Variants in TCERG1L observed in about 807,000 individuals in gnomAD.
TCERG1L encodes the protein transcription elongation regulator 1 like.
TCERG1L carries 37 observed loss-of-function variants against 56.3 expected under a neutral mutation model. The observed-to-expected ratio is 0.66, with a 90% CI of 0.51 to 0.87. The LOEUF (loss-of-function observed/expected upper bound fraction) is 0.87, where lower values mean the gene tolerates loss of function less well. TCERG1L is among the 40% of genes least tolerant of loss of function. TCERG1L has a pLI of 0.00. For missense variants in TCERG1L, 799 were observed against 774.2 expected (o/e 1.03, Z -0.38); for synonymous variants, 324 against 326.3 (o/e 0.99, Z 0.08).
chr10:131,192,777 T>C (rs563807436), intron 4 of TCERG1L, among the ~76,000 whole-genome samples: 1 of 144,382 alleles, frequency 6.9e-6, no homozygotes, highest in Non-Finnish European at 1.5e-5. Context: ...AAAAACTGTA[T>C]GTTCTCACTT....
intron 4 of TCERG1L, among the ~76,000 whole-genome samples, chr10:131,255,075 C>T (rs1166567307): frequency 6.6e-6 from 1 of 152,132 alleles, no homozygotes; most frequent in African/African-American, 2.4e-5. Flanking sequence ...CAGAGATGCC[C>T]CGGGCAGAAC....
At chr10:131,122,674 T>C (rs981252496) in intron 8 of TCERG1L, among the ~76,000 whole-genome samples, 1 of 152,202 alleles carries the variant, frequency 6.6e-6, no homozygotes, top group African/African-American at 2.4e-5. Flanking sequence ...AGCATATCAC[T>C]TTCTGTGAGT....
intron 4 of TCERG1L, among the ~76,000 whole-genome samples, chr10:131,237,785 T>C (rs921796478): frequency 3.9e-5 from 6 of 152,124 alleles, no homozygotes; most frequent in Non-Finnish European, 8.8e-5. Flanking sequence ...CTCTCCTAAA[T>C]ATTTCCCTGT....
At chr10:131,138,717 G>A (rs1845701017) in intron 7 of TCERG1L, among the ~76,000 whole-genome samples, 1 of 152,214 alleles carries the variant, frequency 6.6e-6, no homozygotes, top group East Asian at 1.9e-4. Flanking sequence ...TCATTGCAGA[G>A]TTTCTGCTAT....
chr10:131,304,339 T>C (rs1589778724), intron 3 of TCERG1L, among the ~76,000 whole-genome samples: 2 of 152,146 alleles, frequency 1.3e-5, no homozygotes, highest in Non-Finnish European at 2.9e-5. Flanking sequence ...TTTTCAGAAG[T>C]AGAAAACAGA....
At chr10:131,295,014 T>C (rs1444291165) in intron 3 of TCERG1L, among the ~76,000 whole-genome samples, 1 of 147,796 alleles carries the variant, frequency 6.8e-6, no homozygotes, top group African/African-American at 2.5e-5. Context: ...CTCCTGGAAA[T>C]CACTGTGGTA....
Position 131,308,369 on chromosome 10 carries a change from G to T in TCERG1L, c.512C>A (p.Ala171Asp), listed in dbSNP as rs773103928. 6.2e-6 allele frequency: 10 copies of T among 1,613,332 alleles called. No homozygotes were observed. Among genetic ancestry groups the T allele is most frequent in the South Asian group, 2.2e-5 (2 of 90,948 alleles). The change falls in exon 3 of 12, where the codon GCT becomes GAT. Residue 171 changes from alanine to aspartate, a missense_variant. Transcript: ENST00000368642. ...AGGATGTATCCACGTTGAGTCCAGA[G>T]CAAAGGAATTATTAAAAAAGATCTG... ...NCKIFFNNSF[A>D]LDSTWIHPEE...
At chr10:131,168,076 C>T (rs1225136299) in intron 4 of TCERG1L, among the ~76,000 whole-genome samples, 1 of 152,170 alleles carries the variant, frequency 6.6e-6, no homozygotes, top group Non-Finnish European at 1.5e-5. Context: ...CTGGGCAGTG[C>T]AGTCAGGGAG....
At chr10:131,165,766 C>T (rs1312180612) in intron 5 of TCERG1L, among the ~76,000 whole-genome samples, 2 of 152,116 alleles carry the variant, frequency 1.3e-5, no homozygotes, top group Admixed American at 1.3e-4. Flanking sequence ...GGCTGGGGTT[C>T]TCTACTGCTA....
chr10:131,189,601 T>C (rs1339459175), intron 4 of TCERG1L, among the ~76,000 whole-genome samples: 1 of 152,222 alleles, frequency 6.6e-6, no homozygotes, highest in Non-Finnish European at 1.5e-5. Context: ...CTTAGGTTGA[T>C]TCCATATCTT....
At chr10:131,262,708 G>C (rs1846246958) in intron 3 of TCERG1L, among the ~76,000 whole-genome samples, 1 of 152,090 alleles carries the variant, frequency 6.6e-6, no homozygotes, top group African/African-American at 2.4e-5. Flanking sequence ...GCATCCTATG[G>C]GTTTGGACAG....
rs1196078315 is a variant in TCERG1L, at chr10:131,191,058, C to T, written c.857-24173G>A. 1.4e-5 allele frequency among the ~76,000 whole-genome samples: 2 copies of T among 144,084 alleles called. 1 individual carries two copies. The highest frequency in any genetic ancestry group is 3.1e-5 in the Non-Finnish European group (2 of 65,310). The allele number at this position is 144,084 out of a possible 152,430, so 94.5% of individuals were successfully genotyped here. A position where few individuals can be genotyped will look rare whatever the true frequency, so the allele number is the denominator to read the frequency against. On this transcript the variant is annotated intron_variant, in intron 4 of 11. Transcript: ENST00000368642. ...AATCAATGTACACAAATCAGTAGCACTGCTAGACACGAACAAAGACCATGC... is the reference window on the plus strand; with the variant it reads ...AATCAATGTACACAAATCAGTAGCATTGCTAGACACGAACAAAGACCATGC...
intron 3 of TCERG1L, among the ~76,000 whole-genome samples, chr10:131,265,519 T>A (rs146141799): frequency 6.6e-6 from 1 of 152,314 alleles, no homozygotes; most frequent in East Asian, 1.9e-4. Context: ...TGAAGTTCAG[T>A]CATGATAACC....
At chr10:131,302,281 G>C (rs1846770876) in intron 3 of TCERG1L, among the ~76,000 whole-genome samples, 2 of 151,322 alleles carry the variant, frequency 1.3e-5, no homozygotes, top group Non-Finnish European at 2.9e-5. Flanking sequence ...GATACGGTGA[G>C]CAGGATATAC....
intron 6 of TCERG1L, among the ~76,000 whole-genome samples, chr10:131,149,861 C>T (rs1057167884): frequency 1.3e-5 from 2 of 152,208 alleles, no homozygotes; most frequent in Non-Finnish European, 2.9e-5. Context: ...CTGTATGTCT[C>T]ATGCCCAGCA....
chr10:131,236,220 G>A (rs563943958), intron 4 of TCERG1L, among the ~76,000 whole-genome samples: 1 of 152,258 alleles, frequency 6.6e-6, no homozygotes, highest in Admixed American at 6.5e-5. Flanking sequence ...TATATAAAAG[G>A]GGATCATATG....
At chr10:131,304,923 C>A (rs1370153170) in intron 3 of TCERG1L, among the ~76,000 whole-genome samples, 3 of 151,994 alleles carry the variant, frequency 2.0e-5, no homozygotes, top group Admixed American at 2.0e-4. Flanking sequence ...TTGAAGAGGC[C>A]CCAGAGCCCA....
intron 3 of TCERG1L, among the ~76,000 whole-genome samples, chr10:131,277,027 C>T (rs1016880213): frequency 1.3e-5 from 2 of 152,184 alleles, no homozygotes; most frequent in Non-Finnish European, 2.9e-5. Context: ...CATAGCAAGA[C>T]GCGATCATGC....
chr10:131,244,875 G>A (rs554711845), intron 4 of TCERG1L, among the ~76,000 whole-genome samples: 1 of 152,312 alleles, frequency 6.6e-6, no homozygotes, highest in Admixed American at 6.5e-5. Context: ...CCCCTAGATG[G>A]GCAGGGAACT....
Sources: gnomAD v4.1 joint callset for allele counts (sites outside exome capture counted in the v4.1 genomes callset) on GRCh38, gnomAD v4.1.1 for gene constraint, MANE v1.5 for transcripts, NCBI Gene and HGNC (gene_info 2026-07-23, HGNC 2026-07-21) for gene names.